Variants in FUT8 observed in about 807,000 individuals in gnomAD.
FUT8 encodes the protein fucosyltransferase 8.
FUT8 carries 29 observed loss-of-function variants against 71.3 expected under a neutral mutation model. The ratio of observed to expected loss-of-function variants is 0.41; its 90% CI spans 0.30 to 0.55. The LOEUF is 0.55. Ranked by LOEUF, FUT8 falls within the 20% of genes least tolerant of loss-of-function variation. FUT8 has a pLI of 0.34. For synonymous variants in FUT8, 254 were observed against 239.3 expected (o/e 1.06, Z -0.57); for missense variants, 544 against 702.1 (o/e 0.77, Z 2.55).
chr14:65,542,626 A>G (rs967415917), intron 2 of FUT8, among the ~76,000 whole-genome samples: 3 of 152,224 alleles, frequency 2.0e-5, no homozygotes, highest in African/African-American at 7.2e-5. Context: ...TCTTGTATGA[A>G]GAGTGCATGT....
intron 2 of FUT8, among the ~76,000 whole-genome samples, chr14:65,519,327 A>G (rs1183688151): frequency 6.6e-6 from 1 of 152,242 alleles, no homozygotes; most frequent in East Asian, 1.9e-4. Flanking sequence ...TTATTGGCTG[A>G]CACAGAAAGA....
At chr14:65,504,350 T>A (rs2066692468) in intron 2 of FUT8, among the ~76,000 whole-genome samples, 1 of 152,210 alleles carries the variant, frequency 6.6e-6, no homozygotes, top group South Asian at 2.1e-4. Flanking sequence ...CTTATTTGAA[T>A]GGTTTTGTGT....
chr14:65,606,414 GT>G (rs1391041748), intron 3 of FUT8, among the ~76,000 whole-genome samples: 1 of 151,522 alleles, frequency 6.6e-6, no homozygotes, highest in Non-Finnish European at 1.5e-5. Context: ...AGATTTATTA[GT>G]CTTTCTTTTT....
chr14:65,633,286 G>A (rs1165361575), intron 6 of FUT8, among the ~76,000 whole-genome samples: 5 of 152,242 alleles, frequency 3.3e-5, no homozygotes, highest in East Asian at 3.9e-4. Context: ...CTCCTGAGGT[G>A]CCTGGATTGC....
At chr14:65,512,655 AATC>A (rs1882427612) in intron 2 of FUT8, among the ~76,000 whole-genome samples, 1 of 152,090 alleles carries the variant, frequency 6.6e-6, no homozygotes, top group Non-Finnish European at 1.5e-5. Context: ...TCATGCCTGT[AATC>A]CCAGCACTTT....
intron 2 of FUT8, among the ~76,000 whole-genome samples, chr14:65,475,784 G>C (rs921728341): frequency 5.3e-5 from 8 of 152,012 alleles, no homozygotes; most frequent in African/African-American, 1.9e-4. Flanking sequence ...CCTTGTCTTG[G>C]GGGGCAAAAA....
intron 5 of FUT8, among the ~76,000 whole-genome samples, chr14:65,621,378 T>G (rs369205402): frequency 6.6e-6 from 1 of 151,456 alleles, no homozygotes; most frequent in Non-Finnish European, 1.5e-5. Flanking sequence ...GCCTCCTGAG[T>G]ATCTGGAACT....
chr14:65,507,335 C>T (rs2066751493), intron 2 of FUT8, among the ~76,000 whole-genome samples: 1 of 152,112 alleles, frequency 6.6e-6, no homozygotes, highest in Non-Finnish European at 1.5e-5. Flanking sequence ...ATATTTTTCC[C>T]ACCAGCCTGA....
intron 1 of FUT8, among the ~76,000 whole-genome samples, chr14:65,445,517 A>G (rs2065726031): frequency 6.6e-6 from 1 of 152,178 alleles, no homozygotes; most frequent in African/African-American, 2.4e-5. Flanking sequence ...GGGTGATAGA[A>G]CTGTTCTGTA....
At chr14:65,379,905 G>A in the FUT8 span, among the ~76,000 whole-genome samples, 1 of 152,082 alleles carries the variant, frequency 6.6e-6, no homozygotes, top group Non-Finnish European at 1.5e-5. Flanking sequence ...GAAGGCAAAA[G>A]GGCAAAAAGG....
At chr14:65,584,906 A>C (rs1001431861) in intron 3 of FUT8, among the ~76,000 whole-genome samples, 4 of 152,028 alleles carry the variant, frequency 2.6e-5, no homozygotes, top group African/African-American at 7.3e-5. Context: ...GATCTAATTT[A>C]TATTCTATAT....
the FUT8 span, among the ~76,000 whole-genome samples, chr14:65,373,563 G>T: frequency 6.6e-6 from 1 of 152,056 alleles, no homozygotes; most frequent in South Asian, 2.1e-4. Flanking sequence ...GAGCCCAAAA[G>T]TGCTCGCCCC....
intron 3 of FUT8, among the ~76,000 whole-genome samples, chr14:65,611,886 C>G (rs781052207): frequency 6.6e-6 from 1 of 152,198 alleles, no homozygotes; most frequent in Non-Finnish European, 1.5e-5. Flanking sequence ...GTCTTGAACT[C>G]CTGACCTCAG....
chr14:65,415,365 TAA>T (rs1000287211), intron 1 of FUT8, among the ~76,000 whole-genome samples: 3 of 152,206 alleles, frequency 2.0e-5, no homozygotes, highest in African/African-American at 7.2e-5. Context: ...CAAATTAGTT[TAA>T]AAAAGTCTTT....
chr14:65,446,623 C>G (rs995375980), intron 1 of FUT8, among the ~76,000 whole-genome samples: 1 of 149,568 alleles, frequency 6.7e-6, no homozygotes, highest in African/African-American at 2.5e-5. Flanking sequence ...TTTTTATTTA[C>G]CAGTTTTCAA....
chr14:65,574,909 C>A lies in FUT8; in HGVS notation c.203+13143C>A, dbSNP rs1200747521. Among the ~76,000 whole-genome samples the A allele has an allele frequency of 6.6e-6, 1 of 152,108 alleles. No homozygotes were observed. Among genetic ancestry groups the A allele is most frequent in the East Asian group, 1.9e-4 (1 of 5,198 alleles). On this transcript the variant is annotated intron_variant, in intron 3 of 10. Coordinates refer to ENST00000673929, the MANE Select transcript of FUT8 (RefSeq NM_001371533.1). This position sits in a 1 kb window ranked among gnomAD's most constrained non-coding sequence, Gnocchi z 5.2. ...ATGGCTTGAAGGCAGGGTTGCTGAA[C>A]AGATACTTCATTTATTTCGTTGATG...
chr14:65,540,146 TA>T (rs1212355990), intron 2 of FUT8, among the ~76,000 whole-genome samples: 1 of 152,186 alleles, frequency 6.6e-6, no homozygotes, highest in Non-Finnish European at 1.5e-5. Flanking sequence ...AGATATGATA[TA>T]AAACTTTTCT....
chr14:65,654,022 T>C (rs1334905868), intron 6 of FUT8, among the ~76,000 whole-genome samples: 1 of 152,228 alleles, frequency 6.6e-6, no homozygotes, highest in Non-Finnish European at 1.5e-5. Flanking sequence ...AACATCAGAA[T>C]GAAGAAAGTA....
chr14:65,626,517 C>T (rs1287719451), intron 5 of FUT8, among the ~76,000 whole-genome samples: 1 of 152,132 alleles, frequency 6.6e-6, no homozygotes, highest in South Asian at 2.1e-4. Context: ...GAAGCCTGGA[C>T]TTTAAAATTC....
Sources: gnomAD v4.1 joint callset for allele counts (sites outside exome capture counted in the v4.1 genomes callset) on GRCh38, gnomAD v4.1.1 for gene constraint, Gnocchi (gnomAD v3.1) non-coding constraint, MANE v1.5 for transcripts, NCBI Gene and HGNC (gene_info 2026-07-23, HGNC 2026-07-21) for gene names.